The following SMG6 variants were observed in gnomAD, a reference collection of about 807,000 sequenced individuals.
The protein encoded by SMG6 is SMG6 nonsense mediated mRNA decay factor, also known as telomerase-binding protein EST1A.
In SMG6, 66 loss-of-function variants were observed where a neutral mutation model predicts 142.2. That is an observed-to-expected ratio of 0.46 (90% CI 0.38 to 0.57). The LOEUF (loss-of-function observed/expected upper bound fraction) is 0.57. Among genes scored for constraint, SMG6 ranks in the 20% least tolerant of loss-of-function variants. SMG6 has a pLI of 0.00. For missense variants in SMG6, 1,793 were observed against 1,832.0 expected, an observed-to-expected ratio of 0.98 and a Z score of 0.39; for synonymous variants, 779 against 702.4, an observed-to-expected ratio of 1.11 and a Z score of -1.72.
chr17:2,141,788 C>T (rs985089391), intron 13 of SMG6, among the ~76,000 whole-genome samples: 5 of 152,164 alleles, frequency 3.3e-5, no homozygotes, highest in African/African-American at 1.2e-4. Flanking sequence ...AGAGTAAATT[C>T]TGGGGAAGCA....
At chr17:2,267,913 A>G (rs1005109532) in intron 8 of SMG6, among the ~76,000 whole-genome samples, 5 of 151,182 alleles carry the variant, frequency 3.3e-5, no homozygotes, top group Non-Finnish European at 7.4e-5. Flanking sequence ...ACACCCGGCT[A>G]ATTTTTTGTA....
intron 8 of SMG6, among the ~76,000 whole-genome samples, chr17:2,249,749 A>G (rs1362295959): frequency 6.6e-6 from 1 of 152,220 alleles, no homozygotes; most frequent in Non-Finnish European, 1.5e-5. Flanking sequence ...CTGTTCACTG[A>G]AACAAAAATG....
chr17:2,095,609 C>T (rs565709292), intron 13 of SMG6, among the ~76,000 whole-genome samples: 2 of 152,252 alleles, frequency 1.3e-5, no homozygotes, highest in Non-Finnish European at 2.9e-5. Context: ...GATACATCAA[C>T]AGACCCCCTG....
intron 10 of SMG6, among the ~76,000 whole-genome samples, chr17:2,207,455 C>T (rs2072723415): frequency 6.6e-6 from 1 of 152,004 alleles, no homozygotes; most frequent in African/African-American, 2.4e-5. Context: ...CAGAGAAACC[C>T]AAATGCAAAA....
In SMG6 at chr17:2,081,822, C is replaced by T. The variant is rs2068432693; in HGVS notation, c.3669G>A (p.Gln1223=). ...ARKIAEQQRR[Q]EKIQAVLEDH... ...AGGCCGACTTCACCTGGATCTTTTC[C>T]TGGCGACGCTGCTGCTCAGCTATCT... The change falls in exon 15 of 19, where the codon CAG becomes CAA. Residue 1223 remains glutamine, a synonymous_variant. Transcript: ENST00000263073. The T allele has an allele frequency of 1.2e-6, 2 of 1,613,494 alleles. No homozygotes were observed. Among genetic ancestry groups the T allele is most frequent in the African/African-American group, 2.7e-5 (2 of 74,944 alleles).
intron 10 of SMG6, among the ~76,000 whole-genome samples, chr17:2,205,348 T>C (rs1262564840): frequency 6.6e-6 from 1 of 152,128 alleles, no homozygotes; most frequent in Non-Finnish European, 1.5e-5. Flanking sequence ...TACTCCCAAA[T>C]TGCTGGGATT....
rs1247679126 is a variant in SMG6 at position 2,061,768 on chromosome 17, G to A, written c.4130-146C>T. The A allele has an allele frequency of 1.3e-5, 12 of 949,936 alleles. No individual in the cohort carries two copies. The East Asian group carries it at 1.9e-4, about 15-fold the overall frequency. 58.8% of individuals were successfully genotyped at this position (949,936 alleles called of 1,614,324 possible). A position where few individuals can be genotyped will look rare whatever the true frequency, so the allele number is the denominator to read the frequency against. The stretch of plus-strand genomic sequence containing the variant: ...CTTCTACCAGTCCTTTCCTCCGTCC[G>A]GGCTCTCAGCCCCGGGGACCCTCCC... On this transcript the variant is annotated intron_variant, in intron 18 of 18. Transcript: ENST00000263073.
At chr17:2,267,877 A>G (rs1428275743) in intron 8 of SMG6, among the ~76,000 whole-genome samples, 1 of 151,840 alleles carries the variant, frequency 6.6e-6, no homozygotes, top group East Asian at 1.9e-4. Flanking sequence ...CCTCCCGAGT[A>G]GATGGGACTA....
At chr17:2,184,311 T>C (rs4790883) in intron 12 of SMG6, among the ~76,000 whole-genome samples, 55,868 of 149,762 alleles carry the variant, frequency 0.37, 10,975 homozygotes, top group African/African-American at 0.51. Flanking sequence ...TACAGTGAAC[T>C]GAGATCATGC....
At chr17:2,287,049 A>G (rs994148434) in intron 6 of SMG6, among the ~76,000 whole-genome samples, 1 of 147,928 alleles carries the variant, frequency 6.8e-6, no homozygotes, top group South Asian at 2.1e-4. Context: ...CTCCTGCCTC[A>G]GCCTTCCCAG....
At chr17:2,118,016 G>C (rs916871980) in intron 13 of SMG6, among the ~76,000 whole-genome samples, 1 of 152,164 alleles carries the variant, frequency 6.6e-6, no homozygotes, top group African/African-American at 2.4e-5. Context: ...GCCAAGGCAG[G>C]GGGATCACTT....
intron 11 of SMG6, among the ~76,000 whole-genome samples, chr17:2,188,076 C>T (rs1018336692): frequency 2.6e-5 from 4 of 152,034 alleles, no homozygotes; most frequent in Non-Finnish European, 4.4e-5. Flanking sequence ...GAAAACACAA[C>T]GTCGATTATG....
In SMG6 at chr17:2,132,766, G is replaced by GAAAA. The variant is rs941423276; in HGVS notation, c.3357+39888_3357+39891dup. ...AGAAGAAGAAAGGGGACAGTGAAGA[G>GAAAA]AAAAACAAGAAGGCACATTAAATAT... On this transcript the variant is annotated intron_variant, in intron 13 of 18. Transcript: ENST00000263073. Among the ~76,000 whole-genome samples the GAAAA allele has an allele frequency of 4.6e-5, 7 of 152,262 alleles. No homozygotes were observed. The East Asian group carries it at 1.4e-3, about 29-fold the overall frequency.
chr17:2,176,697 T>C (rs914556481), intron 12 of SMG6, among the ~76,000 whole-genome samples: 3 of 152,074 alleles, frequency 2.0e-5, no homozygotes, highest in Non-Finnish European at 2.9e-5. Context: ...GGATCAGCAG[T>C]TGCAAGGTGA....
At chr17:2,246,466 GAA>G (rs1442269934) in intron 8 of SMG6, among the ~76,000 whole-genome samples, 1 of 152,214 alleles carries the variant, frequency 6.6e-6, no homozygotes, top group Non-Finnish European at 1.5e-5. Context: ...CCAAGTGTGG[GAA>G]AAGAGGTACA....
intron 10 of SMG6, among the ~76,000 whole-genome samples, chr17:2,209,112 CGAG>C (rs2072773727): frequency 6.6e-6 from 1 of 150,822 alleles, no homozygotes; most frequent in Admixed American, 6.6e-5. Context: ...TGCAGTGAGC[CGAG>C]ATCACACCAC....
intron 13 of SMG6, among the ~76,000 whole-genome samples, chr17:2,095,792 C>T (rs1427037863): frequency 6.6e-6 from 1 of 152,182 alleles, no homozygotes; most frequent in Non-Finnish European, 1.5e-5. Context: ...TTCTTTTGGG[C>T]TTAGCCTTGC....
chr17:2,127,939 A>G, intron 13 of SMG6: 1 of 561,516 alleles, frequency 1.8e-6, no homozygotes, highest in African/African-American at 1.9e-5. Context: ...TGCAGACACA[A>G]TGATTTCTGC....
At chr17:2,261,378 G>A (rs1194829195) in intron 8 of SMG6, among the ~76,000 whole-genome samples, 2 of 152,028 alleles carry the variant, frequency 1.3e-5, no homozygotes, top group Admixed American at 1.3e-4. Context: ...GGTTATACAA[G>A]TATGCTTACA....
Sources: gnomAD v4.1 joint callset for allele counts (sites outside exome capture counted in the v4.1 genomes callset) on GRCh38, gnomAD v4.1.1 for gene constraint, MANE v1.5 for transcripts, NCBI Gene and HGNC (gene_info 2026-07-23, HGNC 2026-07-21) for gene names.